The following MED27 variants were observed in gnomAD, a reference collection of about 807,000 sequenced individuals.
MED27 encodes the protein mediator complex subunit 27.
Under a neutral mutation model 38.2 loss-of-function variants are expected in MED27, and 30 were observed. The observed-to-expected ratio is 0.79, with a 90% confidence interval of 0.59 to 1.07. The LOEUF is 1.07. MED27 is among the 50% of genes least tolerant of loss of function. The pLI is 0.00. For missense variants in MED27, 289 were observed against 397.5 expected, an observed-to-expected ratio of 0.73 and a Z score of 2.32; for synonymous variants, 122 against 153.5, an observed-to-expected ratio of 0.79 and a Z score of 1.52.
intron 2 of MED27, among the ~76,000 whole-genome samples, chr9:132,064,615 A>C (rs1056214075): frequency 1.3e-5 from 2 of 152,228 alleles, no homozygotes; most frequent in African/African-American, 4.8e-5. Context: ...GATAAGGGAA[A>C]CTGGTGCCAT....
intron 2 of MED27, among the ~76,000 whole-genome samples, chr9:132,060,467 C>T (rs570515628): frequency 6.6e-5 from 10 of 152,266 alleles, no homozygotes; most frequent in African/African-American, 1.9e-4. Flanking sequence ...TGCAGAGAGA[C>T]GGCAAAATTT....
At chr9:131,901,885 A>T (rs989693950) in intron 4 of MED27, among the ~76,000 whole-genome samples, 9 of 152,106 alleles carry the variant, frequency 5.9e-5, no homozygotes, top group Admixed American at 1.3e-4. Context: ...TCTTATTCCC[A>T]TTCTTAATAG....
chr9:131,926,810 A>G (rs1000785840), intron 4 of MED27, among the ~76,000 whole-genome samples: 16 of 152,266 alleles, frequency 1.1e-4, no homozygotes, highest in Admixed American at 7.2e-4. Context: ...GTTGGTTAAA[A>G]TGTCGATTTA....
In MED27 at chr9:131,894,400, A is replaced by G. The variant is rs1431825160; in HGVS notation, c.574-408T>C. On this transcript the variant is annotated intron_variant, in intron 4 of 7. Coordinates refer to ENST00000292035, the MANE Select transcript of MED27 (RefSeq NM_004269.4). ...CGTGCTCATGGCCCTATGTATACCTATGCAATATGTACAGAGTACAATATA... is the reference window on the plus strand; with the variant it reads ...CGTGCTCATGGCCCTATGTATACCTGTGCAATATGTACAGAGTACAATATA... 3.9e-5 allele frequency among the ~76,000 whole-genome samples: 6 copies of G among 152,306 alleles called. No individual in the cohort carries two copies. In the South Asian group the frequency reaches 6.2e-4, roughly 16 times the overall value.
chr9:131,871,978 C>T (rs979786689), intron 6 of MED27, among the ~76,000 whole-genome samples: 6 of 152,204 alleles, frequency 3.9e-5, no homozygotes, highest in Non-Finnish European at 8.8e-5. Context: ...GGATTGTCCT[C>T]AGGGGCTCCC....
intron 2 of MED27, among the ~76,000 whole-genome samples, chr9:132,034,829 A>T (rs1833040542): frequency 6.6e-6 from 1 of 152,174 alleles, no homozygotes; most frequent in South Asian, 2.1e-4. Flanking sequence ...CTTCATTATA[A>T]AACATCAAAT....
chr9:131,889,055 A>C lies in MED27; in HGVS notation c.681+4830T>G, dbSNP rs1456200391. 6.6e-6 allele frequency among the ~76,000 whole-genome samples: 1 copy of C among 152,202 alleles called. No homozygotes were observed. The highest frequency in any genetic ancestry group is 1.5e-5 in the Non-Finnish European group (1 of 68,042). On this transcript the variant is annotated intron_variant, in intron 5 of 7. Coordinates refer to ENST00000292035, the MANE Select transcript of MED27 (RefSeq NM_004269.4). The surrounding 1 kb of genome is among the most constrained non-coding windows in gnomAD (Gnocchi z 4.2). Reference sequence around the variant, plus strand: ...CATTTTTCTGAAGGTCATCTGAACAATTTCAAAGGCTATAACAAATCAAAA... The same window carrying C: ...CATTTTTCTGAAGGTCATCTGAACACTTTCAAAGGCTATAACAAATCAAAA...
intron 3 of MED27, among the ~76,000 whole-genome samples, chr9:131,985,110 CTGTTT>C (rs1175537532): frequency 6.6e-6 from 1 of 152,058 alleles, no homozygotes; most frequent in Non-Finnish European, 1.5e-5. Flanking sequence ...TCTTATGAGA[CTGTTT>C]TGTTTTATCT....
chr9:132,060,058 G>A (rs1487120095), intron 2 of MED27, among the ~76,000 whole-genome samples: 1 of 152,150 alleles, frequency 6.6e-6, no homozygotes, highest in East Asian at 1.9e-4. Context: ...TGCAGAGCTT[G>A]GACTTGATCT....
chr9:131,865,327 G>A (rs937421815), intron 6 of MED27, among the ~76,000 whole-genome samples: 2 of 152,108 alleles, frequency 1.3e-5, no homozygotes, highest in Admixed American at 6.5e-5. Flanking sequence ...CAAAATGACT[G>A]GTGGTAATTG....
intron 3 of MED27, among the ~76,000 whole-genome samples, chr9:132,005,975 C>G (rs913286272): frequency 3.3e-5 from 5 of 152,106 alleles, no homozygotes; most frequent in African/African-American, 1.2e-4. Flanking sequence ...TAATTATATT[C>G]TCAATTTCAA....
chr9:131,908,269 C>G (rs1423973418), intron 4 of MED27, among the ~76,000 whole-genome samples: 1 of 144,052 alleles, frequency 6.9e-6, no homozygotes, highest in Non-Finnish European at 1.5e-5. Context: ...GTCAGCCCCC[C>G]GCCCGGCCAG....
At chr9:132,067,545 A>G (rs1261333182) in intron 2 of MED27, among the ~76,000 whole-genome samples, 2 of 152,214 alleles carry the variant, frequency 1.3e-5, no homozygotes, top group Middle Eastern at 3.2e-3. Flanking sequence ...TAGAAGTGGC[A>G]AAAAGAAGAA....
At chr9:132,068,597 A>G (rs1012555366) in intron 2 of MED27, among the ~76,000 whole-genome samples, 8 of 152,094 alleles carry the variant, frequency 5.3e-5, no homozygotes, top group Admixed American at 3.9e-4. Context: ...AGGGGAAATC[A>G]ATAGATCTGT....
intron 5 of MED27, among the ~76,000 whole-genome samples, chr9:131,884,603 T>C (rs1839105303): frequency 6.8e-6 from 1 of 146,256 alleles, no homozygotes; most frequent in Non-Finnish European, 1.5e-5. Flanking sequence ...TGATTCTCTT[T>C]ACTTTTTTTT....
intron 2 of MED27, among the ~76,000 whole-genome samples, chr9:132,067,336 G>A (rs1039422928): frequency 1.3e-4 from 20 of 152,144 alleles, no homozygotes; most frequent in Non-Finnish European, 2.9e-5. Context: ...ACAAGTAAAG[G>A]CAATCATGGG....
intron 4 of MED27, among the ~76,000 whole-genome samples, chr9:131,908,958 C>A (rs1421255564): frequency 1.3e-5 from 2 of 152,034 alleles, no homozygotes; most frequent in African/African-American, 4.8e-5. Flanking sequence ...CTTATTTTAC[C>A]CAGCCCCTAT....
intron 4 of MED27, among the ~76,000 whole-genome samples, chr9:131,928,441 T>C (rs576490924): frequency 6.6e-6 from 1 of 152,370 alleles, no homozygotes; most frequent in East Asian, 1.9e-4. Context: ...GTTTTAACTT[T>C]ATTTCACTGA....
chr9:131,902,220 T>A (rs1829961662), intron 4 of MED27, among the ~76,000 whole-genome samples: 1 of 152,114 alleles, frequency 6.6e-6, no homozygotes, highest in Admixed American at 6.5e-5. Context: ...TAGCATTTTT[T>A]AAAAAGTTAG....
Sources: allele counts gnomAD v4.1 joint callset (sites outside exome capture counted in the v4.1 genomes callset), GRCh38; gene constraint gnomAD v4.1.1; non-coding constraint Gnocchi (gnomAD v3.1); transcripts MANE v1.5; gene names NCBI Gene and HGNC (gene_info 2026-07-23, HGNC 2026-07-21).